The following DUS2 variants were observed in gnomAD, a reference collection of about 807,000 sequenced individuals.
DUS2 encodes the protein tRNA-dihydrouridine(20) synthase [NAD(P)+]-like.
In DUS2, 52 loss-of-function variants were observed where a neutral mutation model predicts 71.3. That is an observed-to-expected ratio of 0.73 (90% CI 0.58 to 0.92). DUS2 has a LOEUF of 0.92. DUS2 is among the 40% of genes least tolerant of loss of function. The pLI, the probability that DUS2 is intolerant of heterozygous loss-of-function variation, is 0.00. For missense variants in DUS2, 558 were observed against 622.6 expected (o/e 0.90, Z 1.10); for synonymous variants, 204 against 227.8 (o/e 0.90, Z 0.94).
intron 3 of DUS2, among the ~76,000 whole-genome samples, chr16:68,040,828 C>T (rs1251814362): frequency 3.7e-5 from 4 of 107,946 alleles, no homozygotes; most frequent in African/African-American, 7.2e-5. Flanking sequence ...CTGGGGGTGG[C>T]GGGGGGGAGT....
chr16:68,070,593 G>C (rs2034070366), intron 11 of DUS2, among the ~76,000 whole-genome samples: 1 of 152,190 alleles, frequency 6.6e-6, no homozygotes, highest in Admixed American at 6.5e-5. Context: ...CATATAAGTG[G>C]CCCATTCAGC....
intron 2 of DUS2, among the ~76,000 whole-genome samples, chr16:68,027,539 G>A (rs1598297562): frequency 6.6e-6 from 1 of 152,214 alleles, no homozygotes; most frequent in Non-Finnish European, 1.5e-5. Context: ...CACCTCACCC[G>A]GCTGCCATTA....
At chr16:68,032,334 T>C (rs1229557296) in intron 2 of DUS2, among the ~76,000 whole-genome samples, 1 of 152,134 alleles carries the variant, frequency 6.6e-6, no homozygotes, top group African/African-American at 2.4e-5. Flanking sequence ...GGCTCAGTGC[T>C]AGAAATCTGG....
intron 6 of DUS2, 86 bp from the exon 7 acceptor site, chr16:68,056,278 T>G: frequency 2.6e-6 from 3 of 1,169,924 alleles, no homozygotes; most frequent in Non-Finnish European, 3.8e-6. Flanking sequence ...AAGAGGTTCA[T>G]GAGCACAGGC....
intron 1 of DUS2, chr16:68,023,644 T>A: frequency 5.5e-6 from 1 of 181,424 alleles, no homozygotes; most frequent in Non-Finnish European, 1.3e-5. Context: ...ATTGAGAGTT[T>A]GAATGAATGA....
At position 68,026,875 on chromosome 16, in the gene DUS2, G is replaced by GGA. The variant is rs778880449; in HGVS notation, c.-19+1381_-19+1382insGA. The GGA allele has an allele frequency of 4.7e-5, 3 of 63,676 alleles. 1 individual carries two copies. The highest frequency in any genetic ancestry group is 9.2e-5 in the Non-Finnish European group (3 of 32,732). 3.9% of individuals were successfully genotyped at this position (63,676 alleles called of 1,614,324 possible). A position where few individuals can be genotyped will look rare whatever the true frequency, so the allele number is the denominator to read the frequency against. The stretch of plus-strand genomic sequence containing the variant: ...TGGGTGATAGAGCAAGAGTCTATCT[G>GGA]AAAAAAAAAAAAAAAAAAAAAGCAC... On this transcript the variant is annotated intron_variant, in intron 2 of 16. Coordinates refer to ENST00000565263, the MANE Select transcript of DUS2 (RefSeq NM_017803.5).
At chr16:68,075,302 C>T in intron 13 of DUS2, 53 bp from the exon 14 acceptor site, 1 of 1,496,590 alleles carries the variant, frequency 6.7e-7, no homozygotes, top group Non-Finnish European at 8.9e-7. Flanking sequence ...CTGCAGTACC[C>T]TGGATGCTGG....
intron 8 of DUS2, among the ~76,000 whole-genome samples, chr16:68,065,718 A>G (rs2033996072): frequency 6.6e-6 from 1 of 152,060 alleles, no homozygotes; most frequent in South Asian, 2.1e-4. Context: ...GCTTCAAGCA[A>G]TCTTCCCACC....
chr16:68,051,856 A>G (rs1046640936), intron 4 of DUS2, among the ~76,000 whole-genome samples: 5 of 152,102 alleles, frequency 3.3e-5, no homozygotes, highest in South Asian at 2.1e-4. Context: ...GCTTAGGAAC[A>G]TTAGATAGCA....
At chr16:68,042,799 C>T (rs1442322056) in intron 3 of DUS2, among the ~76,000 whole-genome samples, 1 of 152,090 alleles carries the variant, frequency 6.6e-6, no homozygotes, top group African/African-American at 2.4e-5. Flanking sequence ...ACCTGTGCTT[C>T]CTGGGTTCAA....
intron 2 of DUS2, among the ~76,000 whole-genome samples, chr16:68,035,146 G>T (rs1180873265): frequency 1.3e-5 from 2 of 152,116 alleles, no homozygotes; most frequent in Non-Finnish European, 2.9e-5. Context: ...CAGCTCCAGG[G>T]TCTGAGGGAG....
At chr16:68,057,599 G>C (rs78357736) in intron 7 of DUS2, among the ~76,000 whole-genome samples, 1 of 151,792 alleles carries the variant, frequency 6.6e-6, no homozygotes, top group Admixed American at 6.6e-5. Flanking sequence ...AAAAAAAAAG[G>C]CCAGGCCTGG....
At chr16:68,038,825 G>C (rs1388947021) in intron 3 of DUS2, among the ~76,000 whole-genome samples, 4 of 151,706 alleles carry the variant, frequency 2.6e-5, no homozygotes, top group Non-Finnish European at 5.9e-5. Flanking sequence ...AAGGCAGGAG[G>C]ATCACTTGAG....
In DUS2 at chr16:68,078,802, G is replaced by T. The variant is rs1421501940; in HGVS notation, c.1298G>T (p.Ser433Ile). 1 of 1,612,870 alleles carries T rather than the reference G, an allele frequency of 6.2e-7. No individual in the cohort carries two copies. The highest frequency in any genetic ancestry group is 8.5e-7 in the Non-Finnish European group (1 of 1,179,458). ...GCTGCAGCCATCGTCTGTCTGCGGAGCCAGGGCCTCCCTGAGGGTCGGCTG... is the reference window on the plus strand; with the variant it reads ...GCTGCAGCCATCGTCTGTCTGCGGATCCAGGGCCTCCCTGAGGGTCGGCTG... Reference protein sequence around the residue: ...EQAAAIVCLRSQGLPEGRLGE... With the variant: ...EQAAAIVCLRIQGLPEGRLGE... Residue 433 changes from serine to isoleucine, a missense_variant, in exon 17 of 17, where the codon AGC becomes ATC. Physicochemically the swap from Ser to Ile is moderately radical, Grantham distance 142. Transcript: ENST00000565263.
At chr16:68,053,908 A>G in intron 5 of DUS2, 1 of 460,698 alleles carries the variant, frequency 2.2e-6, no homozygotes, top group Non-Finnish European at 3.9e-6. Context: ...ACTTGTAGGA[A>G]TTGTCTGTTT....
intron 2 of DUS2, among the ~76,000 whole-genome samples, chr16:68,033,634 A>ATTTTTTT (rs548683357): frequency 0.011 from 1,355 of 125,276 alleles, 20 homozygotes; most frequent in Middle Eastern, 0.019. Context: ...ACAGGTGCTA[A>ATTTTTTT]TTTTTTTTTT....
At chr16:68,025,154 C>T (rs987327586) in intron 1 of DUS2, among the ~76,000 whole-genome samples, 5 of 152,048 alleles carry the variant, frequency 3.3e-5, no homozygotes, top group Non-Finnish European at 7.4e-5. Flanking sequence ...TTTTATGATT[C>T]TTTCCAAACT....
chr16:68,035,709 G>A (rs9889207), intron 2 of DUS2, among the ~76,000 whole-genome samples: 2 of 138,334 alleles, frequency 1.4e-5, no homozygotes, highest in Admixed American at 1.5e-4. Context: ...ATTCTATGTG[G>A]TTTTTTTTTT....
chr16:68,033,411 T>G (rs144465275), intron 2 of DUS2, among the ~76,000 whole-genome samples: 1 of 152,244 alleles, frequency 6.6e-6, no homozygotes, highest in East Asian at 1.9e-4. Context: ...CATATTGGAC[T>G]GGTTAACATG....
Sources: gnomAD v4.1 joint callset for allele counts (sites outside exome capture counted in the v4.1 genomes callset) on GRCh38, gnomAD v4.1.1 for gene constraint, MANE v1.5 for transcripts, NCBI Gene and HGNC (gene_info 2026-07-23, HGNC 2026-07-21) for gene names.